Variants in FNBP4 observed in about 807,000 individuals in gnomAD.
FNBP4 encodes formin binding protein 4, also known as formin-binding protein 4.
In FNBP4, 34 loss-of-function variants were observed where a neutral mutation model predicts 119.3. The ratio of observed to expected loss-of-function variants is 0.28; its 90% CI spans 0.22 to 0.38. The LOEUF is 0.38. FNBP4 is among the 10% of genes least tolerant of loss of function. The pLI, the probability that FNBP4 is intolerant of heterozygous loss-of-function variation, is 1.00. For missense variants in FNBP4, 1,112 were observed against 1,228.9 expected (o/e 0.90, Z 1.42); for synonymous variants, 462 against 430.6 (o/e 1.07, Z -0.90).
At chr11:47,744,763 T>G (rs1282509540) in intron 7 of FNBP4, among the ~76,000 whole-genome samples, 1 of 152,240 alleles carries the variant, frequency 6.6e-6, no homozygotes, top group Non-Finnish European at 1.5e-5. Flanking sequence ...AAAGTTATTT[T>G]ATAATATACA....
intron 2 of FNBP4, among the ~76,000 whole-genome samples, chr11:47,755,978 A>C (rs1450449550): frequency 1.3e-5 from 2 of 152,220 alleles, no homozygotes; most frequent in African/African-American, 2.4e-5. Flanking sequence ...AGCTGAAACA[A>C]AGACTTTCAA....
intron 12 of FNBP4, chr11:47,725,038 T>C: frequency 3.0e-6 from 1 of 333,578 alleles, no homozygotes; most frequent in Non-Finnish European, 5.4e-6. Flanking sequence ...GAAAGATAAA[T>C]TTATGAACTT....
chr11:47,720,710 T>A (rs1296305845), intron 15 of FNBP4, among the ~76,000 whole-genome samples: 1 of 151,184 alleles, frequency 6.6e-6, no homozygotes, highest in Non-Finnish European at 1.5e-5. Context: ...CGTCTCAGAA[T>A]TACAGTGTTC....
chr11:47,738,053 T>C (rs988151273), intron 8 of FNBP4, among the ~76,000 whole-genome samples: 15 of 152,142 alleles, frequency 9.9e-5, no homozygotes, highest in African/African-American at 3.6e-4. Flanking sequence ...TGCATCATTA[T>C]TTTCAAACCA....
At chr11:47,730,527 G>T (rs538765110) in intron 12 of FNBP4, among the ~76,000 whole-genome samples, 33 of 152,104 alleles carry the variant, frequency 2.2e-4, no homozygotes, top group Non-Finnish European at 1.8e-4. Flanking sequence ...CATCAATTTC[G>T]ATAAGTTTTA....
chr11:47,760,259 ATTTTT>A (rs199885568), intron 2 of FNBP4, among the ~76,000 whole-genome samples: 2 of 127,912 alleles, frequency 1.6e-5, no homozygotes, highest in Non-Finnish European at 1.6e-5. Flanking sequence ...TTGATCAAAC[ATTTTT>A]TTTTTTTTTT....
At chr11:47,755,515 C>G (rs1237003291) in intron 2 of FNBP4, among the ~76,000 whole-genome samples, 1 of 151,602 alleles carries the variant, frequency 6.6e-6, no homozygotes, top group Non-Finnish European at 1.5e-5. Context: ...GGCAACACAG[C>G]TTATGTCTAC....
intron 12 of FNBP4, 169 bp downstream of exon 12, chr11:47,731,205 T>G (rs751568150): frequency 1.7e-6 from 1 of 579,560 alleles, no homozygotes; most frequent in Non-Finnish European, 2.8e-6. Flanking sequence ...AACAATAGTA[T>G]GCTGATTTCC....
At chr11:47,743,163 G>A (rs1272119975) in intron 8 of FNBP4, among the ~76,000 whole-genome samples, 18 of 152,134 alleles carry the variant, frequency 1.2e-4, no homozygotes, top group Non-Finnish European at 1.9e-4. Context: ...AAGGTTTGGC[G>A]TCCTTATCTT....
At position 47,767,095 on chromosome 11, in the gene FNBP4, G is replaced by A. The variant is rs2097649223; in HGVS notation, c.194C>T (p.Ala65Val). 1.3e-6 allele frequency: 2 copies of A among 1,529,978 alleles called. No homozygotes were observed. Among genetic ancestry groups the A allele is most frequent in the East Asian group, 2.5e-5 (1 of 39,582 alleles). The allele number at this position is 1,529,978 out of a possible 1,614,324, so 94.8% of individuals were successfully genotyped here. The change falls in exon 1 of 17, where the codon GCG becomes GTG. Residue 65 changes from alanine (A) to valine (V), a missense_variant. This residue lies in a region of FNBP4 where 286 missense variants were observed against 240.1 expected (regional missense o/e 1.19). Transcript: ENST00000263773. Reference sequence around the variant, plus strand: ...TTCTGAAGGCGAGTCGTCCGAGGCCGCGGCGGCAGTCACCGCGGTGGTGGT... The same window carrying A: ...TTCTGAAGGCGAGTCGTCCGAGGCCACGGCGGCAGTCACCGCGGTGGTGGT... Reference protein sequence around the residue: ...TTTTTAVTAAAASDDSPSEDE... With the variant: ...TTTTTAVTAAVASDDSPSEDE...
intron 10 of FNBP4, among the ~76,000 whole-genome samples, chr11:47,733,505 T>G (rs764494770): frequency 3.3e-5 from 5 of 152,072 alleles, no homozygotes; most frequent in Admixed American, 1.3e-4. Context: ...CCGGCTAATT[T>G]TGTATTTTTA....
chr11:47,717,422 C>T lies in FNBP4; in HGVS notation c.3054G>A (p.Ter1018=). ...CAAAAAAGTTTTAAAAACTTAAAAA[C>T]TATGTGTTTGGAGCCATTTTCCTTC... ...LKRRKMAPNT[*] The change falls in exon 17 of 17, where the codon TAG becomes TAA. Residue 1018 remains the stop codon, a stop_retained_variant. Coordinates refer to ENST00000263773, the MANE Select transcript of FNBP4 (RefSeq NM_015308.5). 2 of 1,605,786 alleles carry T rather than the reference C, an allele frequency of 1.2e-6. No homozygotes were observed. The highest frequency in any genetic ancestry group is 1.7e-6 in the Non-Finnish European group (2 of 1,175,702).
intron 8 of FNBP4, chr11:47,743,676 C>A (rs561938597): frequency 2.4e-6 from 1 of 421,270 alleles, no homozygotes; most frequent in Middle Eastern, 6.4e-4. Flanking sequence ...CTCTACCCAC[C>A]CACACAGAGG....
At chr11:47,738,100 A>G (rs2097576701) in intron 8 of FNBP4, among the ~76,000 whole-genome samples, 1 of 152,172 alleles carries the variant, frequency 6.6e-6, no homozygotes, top group South Asian at 2.1e-4. Context: ...GAAGACCTAC[A>G]GACATCTATA....
At chr11:47,723,837 A>G (rs1245358753) in intron 14 of FNBP4, among the ~76,000 whole-genome samples, 191 bp downstream of exon 14, 1 of 151,102 alleles carries the variant, frequency 6.6e-6, no homozygotes, top group Non-Finnish European at 1.5e-5. Flanking sequence ...TGCTGGGATT[A>G]TAGGTGTGAG....
chr11:47,749,740 C>T (rs2097598120), intron 6 of FNBP4, among the ~76,000 whole-genome samples: 1 of 152,004 alleles, frequency 6.6e-6, no homozygotes, highest in Non-Finnish European at 1.5e-5. Context: ...AATCTGAAAC[C>T]GTTTGAGCAC....
intron 16 of FNBP4, among the ~76,000 whole-genome samples, chr11:47,719,026 G>A (rs1313515397): frequency 6.6e-6 from 1 of 151,686 alleles, no homozygotes; most frequent in Admixed American, 6.6e-5. Context: ...CTGCCTCAGC[G>A]ATTACAGGCA....
chr11:47,732,822 T>A lies in FNBP4; in HGVS notation c.1687-152A>T. 1.3e-6 allele frequency: 1 copy of A among 745,912 alleles called. No individual in the cohort carries two copies. Among genetic ancestry groups the A allele is most frequent in the South Asian group, 1.8e-5 (1 of 54,352 alleles). 46.2% of individuals were successfully genotyped at this position (745,912 alleles called of 1,614,324 possible). A position where few individuals can be genotyped will look rare whatever the true frequency, so the allele number is the denominator to read the frequency against. ...GAAAATAAACCCCATCTTCATCTCATAAAATAATCTTAAGGCCGGGCATGG... is the reference window on the plus strand; with the variant it reads ...GAAAATAAACCCCATCTTCATCTCAAAAAATAATCTTAAGGCCGGGCATGG... On this transcript the variant is annotated intron_variant, in intron 10 of 16. Transcript: ENST00000263773. This position sits in a 1 kb window ranked among gnomAD's most constrained non-coding sequence, Gnocchi z 4.2.
At chr11:47,751,559 G>C (rs1029232399) in intron 4 of FNBP4, among the ~76,000 whole-genome samples, 2 of 151,804 alleles carry the variant, frequency 1.3e-5, no homozygotes. Context: ...ATATCCCCTA[G>C]GGGCACCCCC....
Sources: gnomAD v4.1 joint callset for allele counts (sites outside exome capture counted in the v4.1 genomes callset) on GRCh38, gnomAD v4.1.1 for gene constraint, gnomAD v4.1.1 regional missense constraint, Gnocchi (gnomAD v3.1) non-coding constraint, MANE v1.5 for transcripts, NCBI Gene and HGNC (gene_info 2026-07-23, HGNC 2026-07-21) for gene names.